Variants in PLCXD3 observed in about 807,000 individuals in gnomAD.
PLCXD3 encodes the protein phosphatidylinositol specific phospholipase C X domain containing 3.
In PLCXD3, 19 loss-of-function variants were observed where a neutral mutation model predicts 25.5. The observed-to-expected ratio is 0.75, with a 90% CI of 0.52 to 1.09. The LOEUF is 1.09. Ranked by LOEUF, PLCXD3 falls within the 50% of genes least tolerant of loss-of-function variation. The pLI is 0.00. For missense variants in PLCXD3, 411 were observed against 388.1 expected, an observed-to-expected ratio of 1.06 and a Z score of -0.50; for synonymous variants, 174 against 137.6, an observed-to-expected ratio of 1.26 and a Z score of -1.85.
In PLCXD3 at chr5:41,308,518, G is replaced by A. The variant is rs1743053491; in HGVS notation, c.*5099C>T. ...ATTTTTGCTTCAAGCATGACCACAT[G>A]TGTAGATCCTTGTCAGTCATGAGTT... On this transcript the variant is annotated 3_prime_UTR_variant, in exon 3 of 3. Transcript: ENST00000377801. 2.0e-5 allele frequency: 3 copies of A among 152,046 alleles called. 1 individual carries two copies. In the South Asian group the frequency reaches 6.2e-4, roughly 32 times the overall value. The allele number at this position is 152,046 out of a possible 1,614,324, so 9.4% of individuals were successfully genotyped here.
chr5:41,319,343 G>C (rs1016881575), intron 2 of PLCXD3, among the ~76,000 whole-genome samples: 1 of 152,078 alleles, frequency 6.6e-6, no homozygotes, highest in Non-Finnish European at 1.5e-5. Context: ...CATTCTCAAG[G>C]ATAGACCATA....
At chr5:41,498,085 T>A (rs547348504) in intron 1 of PLCXD3, among the ~76,000 whole-genome samples, 8 of 151,144 alleles carry the variant, frequency 5.3e-5, no homozygotes, top group Non-Finnish European at 8.9e-5. Flanking sequence ...AATGCCTATA[T>A]TAAAAAAGAT....
At chr5:41,480,903 C>G (rs1479434179) in intron 1 of PLCXD3, among the ~76,000 whole-genome samples, 1 of 151,844 alleles carries the variant, frequency 6.6e-6, no homozygotes, top group Non-Finnish European at 1.5e-5. Flanking sequence ...GAGCAAGACT[C>G]CATCTCAAAA....
At chr5:41,397,417 G>A (rs529679461) in intron 1 of PLCXD3, among the ~76,000 whole-genome samples, 97 of 152,310 alleles carry the variant, frequency 6.4e-4, no homozygotes, top group Middle Eastern at 3.4e-3. Flanking sequence ...CACAGGAGGC[G>A]AGAGTTGAGG....
chr5:41,313,372 T>G lies in PLCXD3; in HGVS notation c.*245A>C, dbSNP rs1177755246. 2.3e-6 allele frequency: 1 copy of G among 433,678 alleles called. No homozygotes were observed. The highest frequency in any genetic ancestry group is 4.1e-6 in the Non-Finnish European group (1 of 245,492). The allele number at this position is 433,678 out of a possible 1,614,324, so 26.9% of individuals were successfully genotyped here. ...TAATTTTGAAAAACAAAGTTACTGG[T>G]CTTTTTTTTTTATTCCTAACACTAG... On this transcript the variant is annotated 3_prime_UTR_variant, in exon 3 of 3. Transcript: ENST00000377801.
chr5:41,441,452 A>G (rs1194619322), intron 1 of PLCXD3, among the ~76,000 whole-genome samples: 1 of 152,168 alleles, frequency 6.6e-6, no homozygotes, highest in African/African-American at 2.4e-5. Flanking sequence ...TCTAATGGAA[A>G]GCTAATTTCT....
At chr5:41,446,193 A>AAAAAAAAAAAAAAAAAAAAAAAAAAAC (rs1747497226) in intron 1 of PLCXD3, among the ~76,000 whole-genome samples, 1 of 148,714 alleles carries the variant, frequency 6.7e-6, no homozygotes, top group African/African-American at 2.4e-5. Context: ...AAAAAAAAAA[A>AAAAAAAAAAAAAAAAAAAAAAAAAAAC]AAAAAAAAGA....
chr5:41,401,202 G>A (rs1746176128), intron 1 of PLCXD3, among the ~76,000 whole-genome samples: 1 of 151,880 alleles, frequency 6.6e-6, no homozygotes, highest in Admixed American at 6.6e-5. Flanking sequence ...AACAGCAAAA[G>A]TTTTATTTTT....
intron 1 of PLCXD3, among the ~76,000 whole-genome samples, chr5:41,468,915 T>C (rs1405020610): frequency 1.3e-5 from 2 of 152,184 alleles, no homozygotes; most frequent in African/African-American, 2.4e-5. Flanking sequence ...CAGTACTAAG[T>C]TGAAAAGAAG....
chr5:41,313,311 T>C lies in PLCXD3; in HGVS notation c.*306A>G. On this transcript the variant is annotated 3_prime_UTR_variant, in exon 3 of 3. Transcript: ENST00000377801. Reference sequence around the variant, plus strand: ...CATAGGCTGGAAATAGAGAACCTAATCAAGTAAACACTCATGAATTCTATG... The same window carrying C: ...CATAGGCTGGAAATAGAGAACCTAACCAAGTAAACACTCATGAATTCTATG... 3.5e-6 allele frequency: 1 copy of C among 283,786 alleles called. No individual in the cohort carries two copies. The highest frequency in any genetic ancestry group is 6.7e-6 in the Non-Finnish European group (1 of 149,886). 17.6% of individuals were successfully genotyped at this position (283,786 alleles called of 1,614,324 possible).
intron 1 of PLCXD3, among the ~76,000 whole-genome samples, chr5:41,493,551 G>A (rs1460156948): frequency 2.0e-5 from 3 of 152,234 alleles, no homozygotes; most frequent in Non-Finnish European, 4.4e-5. Flanking sequence ...AGCCTGCAGA[G>A]GCAGGCAGGC....
intron 2 of PLCXD3, among the ~76,000 whole-genome samples, chr5:41,324,481 G>A (rs1197845286): frequency 6.6e-6 from 1 of 152,176 alleles, no homozygotes; most frequent in African/African-American, 2.4e-5. Flanking sequence ...AGAGCATAAT[G>A]TTGACCTAAA....
chr5:41,505,679 T>A (rs1319728602), intron 1 of PLCXD3, among the ~76,000 whole-genome samples: 2 of 152,206 alleles, frequency 1.3e-5, no homozygotes, highest in African/African-American at 4.8e-5. Flanking sequence ...GTGCTATCGA[T>A]GGCCAATAAG....
chr5:41,476,125 A>T (rs962091751), intron 1 of PLCXD3, among the ~76,000 whole-genome samples: 3 of 152,244 alleles, frequency 2.0e-5, no homozygotes, highest in African/African-American at 7.2e-5. Flanking sequence ...TCATCATAAA[A>T]TAGAGAAATC....
intron 1 of PLCXD3, among the ~76,000 whole-genome samples, chr5:41,476,906 A>G (rs771850114): frequency 2.0e-5 from 3 of 152,230 alleles, no homozygotes; most frequent in Non-Finnish European, 4.4e-5. Flanking sequence ...TTCTGGAGAG[A>G]CATGGTGCTT....
intron 1 of PLCXD3, among the ~76,000 whole-genome samples, chr5:41,401,033 C>T (rs1213927970): frequency 6.6e-6 from 1 of 151,774 alleles, no homozygotes; most frequent in East Asian, 1.9e-4. Context: ...ATATAGTGTG[C>T]TTATTTGACA....
rs370314081 is a variant in PLCXD3, at chr5:41,489,872, G to A, written c.103+20552C>T. ...GGTTTTCTAGATATACAATCATGTC[G>A]TCTGCAAACAGGGACAATTTGACTT... On this transcript the variant is annotated intron_variant, in intron 1 of 2. Transcript: ENST00000377801. Among the ~76,000 whole-genome samples the A allele has an allele frequency of 1.3e-3, 197 of 151,620 alleles. 2 individuals are homozygous for A. In the South Asian group the frequency reaches 0.016, roughly 12 times the overall value.
At chr5:41,337,090 G>C (rs183195566) in intron 2 of PLCXD3, among the ~76,000 whole-genome samples, 40 of 152,142 alleles carry the variant, frequency 2.6e-4, no homozygotes, top group Admixed American at 1.2e-3. Context: ...ATGCCACCAG[G>C]GTAGGTTTTC....
rs545977542 is a variant in PLCXD3, at chr5:41,459,317, G to A, written c.103+51107C>T. ...AAATAGTCTCCAGGATTTCAGAAAT[G>A]TTATTTTAAAAAATCATCCAAATCA... On this transcript the variant is annotated intron_variant, in intron 1 of 2. Transcript: ENST00000377801. 1.6e-4 allele frequency among the ~76,000 whole-genome samples: 25 copies of A among 151,932 alleles called. No homozygotes were observed. The South Asian group carries it at 5.2e-3, about 32-fold the overall frequency.
Sources: gnomAD v4.1 joint callset for allele counts (sites outside exome capture counted in the v4.1 genomes callset) on GRCh38, gnomAD v4.1.1 for gene constraint, MANE v1.5 for transcripts, NCBI Gene and HGNC (gene_info 2026-07-23, HGNC 2026-07-21) for gene names.